The following HSD17B13 variants were observed in gnomAD, a reference collection of about 807,000 sequenced individuals.
The protein encoded by HSD17B13 is hydroxysteroid 17-beta dehydrogenase 13, also known as 17-beta-hydroxysteroid dehydrogenase 13.
A neutral mutation model predicts 31.1 loss-of-function variants in HSD17B13; 26 were observed. That is an observed-to-expected ratio of 0.84 (90% CI 0.61 to 1.16). HSD17B13 has a LOEUF of 1.16. Ranked by LOEUF, HSD17B13 falls within the 50% of genes most tolerant of loss-of-function variation. The pLI is 0.00. For synonymous variants in HSD17B13, 141 were observed against 133.7 expected (o/e 1.05, Z -0.38); for missense variants, 374 against 366.5 (o/e 1.02, Z -0.17).
intron 6 of HSD17B13, 24 bp from the exon 7 acceptor site, chr4:87,305,332 T>A (rs1392017340): frequency 6.7e-7 from 1 of 1,482,784 alleles, no homozygotes. Flanking sequence ...AAAAAAAAAT[T>A]GAAAAATTTT....
In HSD17B13 at chr4:87,322,778, A is replaced by G. The variant is rs1349191444; in HGVS notation, c.64T>C (p.Leu22=). 1 of 1,613,724 alleles carries G rather than the reference A, an allele frequency of 6.2e-7. No homozygotes were observed. The highest frequency in any genetic ancestry group is 1.7e-5 in the Admixed American group (1 of 60,024). The change falls in exon 1 of 7, where the codon TTG becomes CTG. Residue 22 remains leucine, a synonymous_variant. Coordinates refer to ENST00000328546, the MANE Select transcript of HSD17B13 (RefSeq NM_178135.5). ...CTCTGAGGAATGAAAAACTTCACCA[A>G]CGACTCCAAGTAGGAGTAGATGATG... The part of the protein sequence containing the change: ...ITIIYSYLES[L]VKFFIPQRRK...
chr4:87,305,376 T>C (rs1734367431), intron 6 of HSD17B13, 68 bp from the exon 7 acceptor site: 2 of 1,090,828 alleles, frequency 1.8e-6, no homozygotes, highest in Non-Finnish European at 1.3e-6. Flanking sequence ...AGTTCTGTTT[T>C]TGGTCATTTA....
chr4:87,311,932 T>G (rs1734538005), intron 5 of HSD17B13, among the ~76,000 whole-genome samples: 1 of 152,190 alleles, frequency 6.6e-6, no homozygotes, highest in East Asian at 1.9e-4. Context: ...CGGAGCCAAG[T>G]GTGACATTAC....
chr4:87,321,184 C>T lies in HSD17B13; in HGVS notation c.210+1448G>A, dbSNP rs193166379. Among the ~76,000 whole-genome samples, 323 of 152,220 alleles carry T rather than the reference C, an allele frequency of 2.1e-3. 3 individuals carry two copies. The Middle Eastern group carries it at 0.048, about 22-fold the overall frequency. ...AGCTGGGACTACGGGTGTGCACCCCCGCACCCAGCTAATTTTTGTATTTTT... is the reference window on the plus strand; with the variant it reads ...AGCTGGGACTACGGGTGTGCACCCCTGCACCCAGCTAATTTTTGTATTTTT... On this transcript the variant is annotated intron_variant, in intron 1 of 6. Coordinates refer to ENST00000328546, the MANE Select transcript of HSD17B13 (RefSeq NM_178135.5).
intron 6 of HSD17B13, among the ~76,000 whole-genome samples, chr4:87,307,659 G>T (rs1159823456): frequency 6.6e-6 from 1 of 151,998 alleles, no homozygotes; most frequent in African/African-American, 2.4e-5. Flanking sequence ...AGGCCACTAT[G>T]CCTGCTAATT....
chr4:87,317,058 G>A, intron 3 of HSD17B13, 34 bp downstream of exon 3: 1 of 1,607,088 alleles, frequency 6.2e-7, no homozygotes, highest in Non-Finnish European at 8.5e-7. Context: ...AAGAGAAGGT[G>A]CACAAATCAG....
Position 87,305,035 on chromosome 4 carries a change from C to G in HSD17B13, c.*183G>C, listed in dbSNP as rs940034124. On this transcript the variant is annotated 3_prime_UTR_variant, in exon 7 of 7. Coordinates refer to ENST00000328546, the MANE Select transcript of HSD17B13 (RefSeq NM_178135.5). ...GGAAAAACAGACCTATGAAAAACTA[C>G]GTAAATATTCTTGAGAAACAGGAAG... 4 of 414,434 alleles carry G rather than the reference C, an allele frequency of 9.7e-6. No individual in the cohort carries two copies. The highest frequency in any genetic ancestry group is 1.7e-5 in the Non-Finnish European group (4 of 236,564). The allele number at this position is 414,434 out of a possible 1,614,324, so 25.7% of individuals were successfully genotyped here. A position where few individuals can be genotyped will look rare whatever the true frequency, so the allele number is the denominator to read the frequency against.
intron 5 of HSD17B13, among the ~76,000 whole-genome samples, chr4:87,312,860 G>A (rs1048462412): frequency 5.3e-5 from 8 of 151,816 alleles, no homozygotes; most frequent in African/African-American, 1.7e-4. Flanking sequence ...AGGAGTTTGA[G>A]ACCAGCCTGG....
At position 87,319,434 on chromosome 4, in the gene HSD17B13, G is replaced by A. The variant is rs548810254; in HGVS notation, c.211-998C>T. 4.6e-5 allele frequency among the ~76,000 whole-genome samples: 7 copies of A among 152,294 alleles called. No individual in the cohort carries two copies. In the South Asian group the frequency reaches 1.0e-3, roughly 23 times the overall value. The stretch of plus-strand genomic sequence containing the variant: ...ACATTCTTGAAAAACATTGCTCTTC[G>A]TGGTGTCATGGAAGATGAATATGGA... On this transcript the variant is annotated intron_variant, in intron 1 of 6. Transcript: ENST00000328546.
chr4:87,318,429 A>T lies in HSD17B13; in HGVS notation c.218T>A (p.Val73Glu). ...LVLWDINKRGVEETAAECRKL... is the reference protein window; with the variant it reads ...LVLWDINKRGEEETAAECRKL... ...TCGGCACTCAGCTGCAGTTTCCTCC[A>T]CACCGCGCTGTAATTAGGAAGAAAC... is the stretch of plus-strand genomic sequence containing the variant. The change falls in exon 2 of 7, where the codon GTG (valine) becomes GAG (glutamate). Residue 73 changes from valine (V) to glutamate (E), a missense_variant. By Grantham distance (121) the Val-to-Glu change is moderately radical. Transcript: ENST00000328546. The T allele has an allele frequency of 1.1e-5, 17 of 1,613,858 alleles. No individual in the cohort carries two copies. The highest frequency in any genetic ancestry group is 1.4e-5 in the Non-Finnish European group (17 of 1,179,724).
chr4:87,322,630 A>G lies in HSD17B13; in HGVS notation c.210+2T>C, dbSNP rs1479105519. The G allele has an allele frequency of 1.3e-6, 2 of 1,598,488 alleles. No homozygotes were observed. Among genetic ancestry groups the G allele is most frequent in the Non-Finnish European group, 1.7e-6 (2 of 1,165,790 alleles). ...TAAAAAGTTGGAAGATGTATACATT[A>G]CCTTATTAATATCCCACAGAACCAA... On this transcript the variant is annotated splice_donor_variant, in intron 1 of 6. Coordinates refer to ENST00000328546, the MANE Select transcript of HSD17B13 (RefSeq NM_178135.5). LOFTEE classifies it high-confidence loss of function.
intron 2 of HSD17B13, 134 bp downstream of exon 2, chr4:87,318,195 T>C: frequency 1.5e-6 from 1 of 654,606 alleles, no homozygotes; most frequent in Admixed American, 2.6e-5. Context: ...TATCCTTCCT[T>C]GGTGACATAA....
intron 5 of HSD17B13, among the ~76,000 whole-genome samples, chr4:87,313,190 G>T (rs867627600): frequency 6.6e-6 from 1 of 152,112 alleles, no homozygotes; most frequent in Non-Finnish European, 1.5e-5. Context: ...AACTCAGGCT[G>T]TAAGAGTCAG....
At chr4:87,309,856 C>T (rs557291523) in intron 6 of HSD17B13, among the ~76,000 whole-genome samples, 1 of 152,166 alleles carries the variant, frequency 6.6e-6, no homozygotes, top group South Asian at 2.1e-4. Context: ...CTGAAAGATG[C>T]TCCATAATAA....
chr4:87,308,288 A>G (rs1734436595), intron 6 of HSD17B13, among the ~76,000 whole-genome samples: 1 of 151,678 alleles, frequency 6.6e-6, no homozygotes, highest in African/African-American at 2.4e-5. Context: ...CCAAGGCAGG[A>G]GGACTGCTTG....
intron 6 of HSD17B13, among the ~76,000 whole-genome samples, chr4:87,307,571 G>C (rs1388121566): frequency 6.6e-6 from 1 of 152,066 alleles, no homozygotes; most frequent in African/African-American, 2.4e-5. Context: ...GGAGTGCAGT[G>C]GCACAATCAT....
At chr4:87,312,518 CTTTTTTTTTT>C (rs747820120) in intron 5 of HSD17B13, among the ~76,000 whole-genome samples, 28 of 71,634 alleles carry the variant, frequency 3.9e-4, no homozygotes, top group African/African-American at 7.8e-4. Flanking sequence ...ACCTTTAATT[CTTTTTTTTTT>C]TTTTTTTTTT....
At chr4:87,313,746 C>A in intron 5 of HSD17B13, 77 bp downstream of exon 5, 1 of 1,176,044 alleles carries the variant, frequency 8.5e-7, no homozygotes, top group Non-Finnish European at 1.2e-6. Flanking sequence ...ATTAGTTGGC[C>A]TGCCTAAACA....
intron 1 of HSD17B13, among the ~76,000 whole-genome samples, chr4:87,321,596 A>G (rs1026092943): frequency 6.6e-6 from 1 of 152,226 alleles, no homozygotes; most frequent in Admixed American, 6.5e-5. Flanking sequence ...AATTTCTTCA[A>G]AGACCAAAAA....
Sources: allele counts gnomAD v4.1 joint callset (sites outside exome capture counted in the v4.1 genomes callset), GRCh38; gene constraint gnomAD v4.1.1; transcripts MANE v1.5; gene names NCBI Gene and HGNC (gene_info 2026-07-23, HGNC 2026-07-21).